ADGRE5: variants seen among roughly 807,000 people sequenced by gnomAD.
The protein encoded by ADGRE5 is adhesion G protein-coupled receptor E5.
A neutral mutation model predicts 100.3 loss-of-function variants in ADGRE5; 72 were observed. The ratio of observed to expected loss-of-function variants is 0.72; its 90% confidence interval spans 0.59 to 0.87. The LOEUF is 0.87. ADGRE5 is among the 40% of genes least tolerant of loss of function. ADGRE5 has a pLI of 0.00. For missense variants in ADGRE5, 959 were observed against 1,094.7 expected (o/e 0.88, Z 1.75); for synonymous variants, 439 against 447.8 (o/e 0.98, Z 0.25).
At chr19:14,394,423 C>A (rs1007004320) in intron 4 of ADGRE5, among the ~76,000 whole-genome samples, 1 of 152,128 alleles carries the variant, frequency 6.6e-6, no homozygotes, top group Non-Finnish European at 1.5e-5. Flanking sequence ...CCACTCCTCA[C>A]CCCCCTGTCT....
At chr19:14,404,087 C>G (rs993359150) in intron 12 of ADGRE5, among the ~76,000 whole-genome samples, 73 of 151,680 alleles carry the variant, frequency 4.8e-4, no homozygotes, top group African/African-American at 1.7e-3. Context: ...CCATGTTGGC[C>G]AGGCTGGTCT....
chr19:14,382,389 C>T (rs1490733828), intron 1 of ADGRE5, among the ~76,000 whole-genome samples: 2 of 152,116 alleles, frequency 1.3e-5, no homozygotes, highest in African/African-American at 4.8e-5. Flanking sequence ...ACCTGGCTTC[C>T]CAAGGGTTCC....
intron 18 of ADGRE5, among the ~76,000 whole-genome samples, chr19:14,407,546 A>C (rs2146380194): frequency 6.6e-6 from 1 of 151,050 alleles, no homozygotes; most frequent in African/African-American, 2.4e-5. Flanking sequence ...GCTACTTGGG[A>C]GGCTGAGGCA....
rs1313615984 is a variant in ADGRE5 at position 14,408,265 on chromosome 19, C to G, written c.*144C>G. On this transcript the variant is annotated 3_prime_UTR_variant, in exon 20 of 20. Coordinates refer to ENST00000242786, the MANE Select transcript of ADGRE5 (RefSeq NM_078481.4). ...GTGTGCCACCAGGAGGGAGTGGCAG[C>G]TATAGTCTGGCACCAAAGTCCAGGA... 1.1e-6 allele frequency: 1 copy of G among 943,600 alleles called. No individual in the cohort carries two copies. 58.5% of individuals were successfully genotyped at this position (943,600 alleles called of 1,614,324 possible).
chr19:14,387,844 ACAGGCAGAT>A (rs1465681207), intron 1 of ADGRE5, among the ~76,000 whole-genome samples: 1 of 151,914 alleles, frequency 6.6e-6, no homozygotes, highest in East Asian at 1.9e-4. Context: ...GGAGGCCAAG[ACAGGCAGAT>A]CACCTGAGGT....
At chr19:14,390,655 G>A (rs1232682128) in intron 3 of ADGRE5, among the ~76,000 whole-genome samples, 1 of 152,120 alleles carries the variant, frequency 6.6e-6, no homozygotes, top group Admixed American at 6.6e-5. Context: ...CAAAGAGACT[G>A]GGGATGGGGA....
At chr19:14,384,700 G>A (rs1039959613) in intron 1 of ADGRE5, among the ~76,000 whole-genome samples, 5 of 151,154 alleles carry the variant, frequency 3.3e-5, no homozygotes, top group African/African-American at 1.2e-4. Context: ...TTATCTCTCT[G>A]TCTCTCTGTT....
chr19:14,408,145 A>C lies in ADGRE5; in HGVS notation c.*24A>C, dbSNP rs1976364201. On this transcript the variant is annotated 3_prime_UTR_variant, in exon 20 of 20. Coordinates refer to ENST00000242786, the MANE Select transcript of ADGRE5 (RefSeq NM_078481.4). ...GAAGGCGCATGGTTCTGGACGGCCC[A>C]GCAGCTCCTGTGGCCACAGCAGCTT... The C allele has an allele frequency of 1.2e-6, 2 of 1,611,870 alleles. No individual in the cohort carries two copies. The highest frequency in any genetic ancestry group is 4.5e-5 in the East Asian group (2 of 44,878).
At chr19:14,398,628 T>C (rs1204768826) in intron 9 of ADGRE5, among the ~76,000 whole-genome samples, 1 of 142,078 alleles carries the variant, frequency 7.0e-6, no homozygotes, top group South Asian at 2.2e-4. Flanking sequence ...TGAGCCGAGG[T>C]CGTGCAGCTG....
rs1050714544 is a variant in ADGRE5 at position 14,406,977 on chromosome 19, G to A, written c.2207+17G>A. ...GAAGGCGAGGTGAGAGGAGAGGCTG[G>A]AAGGACTTGGAGGCGGGGCCGGGGT... is the stretch of plus-strand genomic sequence containing the variant. On this transcript the variant is annotated intron_variant, in intron 17 of 19. Coordinates refer to ENST00000242786, the MANE Select transcript of ADGRE5 (RefSeq NM_078481.4). This position sits in a 1 kb window ranked among gnomAD's most constrained non-coding sequence, Gnocchi z 6.0. The A allele has an allele frequency of 4.3e-6, 7 of 1,614,000 alleles. No individual in the cohort carries two copies. The Admixed American group carries it at 8.3e-5, about 19-fold the overall frequency.
chr19:14,385,010 C>CTTTT (rs56960989), intron 1 of ADGRE5, among the ~76,000 whole-genome samples: 36 of 68,698 alleles, frequency 5.2e-4, no homozygotes, highest in Non-Finnish European at 6.4e-4. Flanking sequence ...GACTCTTGCT[C>CTTTT]TTTTTTTTTT....
At chr19:14,387,726 T>G (rs1290558539) in intron 1 of ADGRE5, among the ~76,000 whole-genome samples, 1 of 150,710 alleles carries the variant, frequency 6.6e-6, no homozygotes, top group Non-Finnish European at 1.5e-5. Flanking sequence ...AGACTCCGTT[T>G]CAAAAAAAAA....
chr19:14,387,738 ATTATTT>A (rs1323410252), intron 1 of ADGRE5, among the ~76,000 whole-genome samples: 1 of 151,302 alleles, frequency 6.6e-6, no homozygotes, highest in Non-Finnish European at 1.5e-5. Context: ...AAAAAAAAAA[ATTATTT>A]TTAATTTTTT....
At chr19:14,404,862 G>T in intron 13 of ADGRE5, 1 of 333,822 alleles carries the variant, frequency 3.0e-6, no homozygotes, top group South Asian at 4.6e-5. Flanking sequence ...GGCACCACTT[G>T]CCCGTTTTTT....
chr19:14,404,798 C>T (rs938003260), intron 13 of ADGRE5: 18 of 500,624 alleles, frequency 3.6e-5, no homozygotes, highest in African/African-American at 8.2e-5. Context: ...CTGTCCATCC[C>T]GTACCAGTTG....
chr19:14,397,030 C>T, intron 5 of ADGRE5, 47 bp from the exon 6 acceptor site: 2 of 1,548,056 alleles, frequency 1.3e-6, no homozygotes, highest in Non-Finnish European at 1.7e-6. Flanking sequence ...GGAGGGCAGG[C>T]CCAGGCTGGT....
At chr19:14,394,413 C>T (rs1975703052) in intron 4 of ADGRE5, among the ~76,000 whole-genome samples, 3 of 152,196 alleles carry the variant, frequency 2.0e-5, no homozygotes, top group Middle Eastern at 6.8e-3. Context: ...GCGGCTCCCT[C>T]CACTCCTCAC....
Position 14,401,646 on chromosome 19 carries a change from C to G in ADGRE5, c.1076-7C>G. The G allele has an allele frequency of 6.2e-7, 1 of 1,600,208 alleles. No individual in the cohort carries two copies. The highest frequency in any genetic ancestry group is 8.5e-7 in the Non-Finnish European group (1 of 1,172,706). On this transcript the variant is annotated splice_polypyrimidine_tract_variant and splice_region_variant and intron_variant, in intron 10 of 19. Coordinates refer to ENST00000242786, the MANE Select transcript of ADGRE5 (RefSeq NM_078481.4). The surrounding 1 kb of genome is among the most constrained non-coding windows in gnomAD (Gnocchi z 4.1). The stretch of plus-strand genomic sequence containing the variant: ...GTCCCTAATCACAACTGCCCCTCTC[C>G]CCTCAGAGCTGACCCTGATGATCCA...
intron 4 of ADGRE5, among the ~76,000 whole-genome samples, chr19:14,394,063 A>G (rs1033831494): frequency 6.6e-6 from 1 of 151,200 alleles, no homozygotes; most frequent in Non-Finnish European, 1.5e-5. Context: ...ACTGCTATGA[A>G]CCCCCTGCAT....
Sources: allele counts gnomAD v4.1 joint callset (sites outside exome capture counted in the v4.1 genomes callset), GRCh38; gene constraint gnomAD v4.1.1; non-coding constraint Gnocchi (gnomAD v3.1); transcripts MANE v1.5; gene names NCBI Gene and HGNC (gene_info 2026-07-23, HGNC 2026-07-21).